The following CAPN11 variants were observed in gnomAD, a reference collection of about 807,000 sequenced individuals.
CAPN11 encodes the protein calpain 11, also known as calpain-11.
A neutral mutation model predicts 105.3 loss-of-function variants in CAPN11; 108 were observed. The observed-to-expected ratio is 1.03, with a 90% confidence interval of 0.88 to 1.20. The LOEUF (loss-of-function observed/expected upper bound fraction) is 1.20. Among genes scored for constraint, CAPN11 ranks in the 50% most tolerant of loss-of-function variants. The pLI is 0.00. For missense variants in CAPN11, 883 were observed against 924.8 expected, an observed-to-expected ratio of 0.95 and a Z score of 0.59; for synonymous variants, 329 against 344.5, an observed-to-expected ratio of 0.96 and a Z score of 0.50.
intron 21 of CAPN11, 42 bp downstream of exon 21, chr6:44,183,277 C>T (rs750314440): frequency 7.6e-7 from 1 of 1,316,808 alleles, no homozygotes; most frequent in Admixed American, 1.7e-5. Context: ...AGGCCAGGGG[C>T]CGCGGGCCCT....
chr6:44,180,303 C>A (rs1772913388), intron 14 of CAPN11, 140 bp downstream of exon 14: 2 of 905,782 alleles, frequency 2.2e-6, no homozygotes, highest in South Asian at 1.6e-5. Context: ...AAGGTGAAGT[C>A]CCAGTTAGTG....
chr6:44,161,273 C>T (rs1022259928), intron 1 of CAPN11, among the ~76,000 whole-genome samples: 5 of 151,666 alleles, frequency 3.3e-5, no homozygotes, highest in Non-Finnish European at 5.9e-5. Flanking sequence ...AACCTTGGCT[C>T]ACTGCAACCT....
intron 19 of CAPN11, 129 bp downstream of exon 19, chr6:44,181,449 T>TCACACACACACACA (rs150427721): frequency 3.5e-6 from 1 of 286,594 alleles, no homozygotes; most frequent in African/African-American, 5.0e-5. Flanking sequence ...CACACCACAC[T>TCACACACACACACA]CACACACACA....
At chr6:44,179,486 TCCCAGTG>T in intron 12 of CAPN11, 126 bp from the exon 13 acceptor site, 1 of 786,846 alleles carries the variant, frequency 1.3e-6, no homozygotes. Context: ...ACCACCAGTA[TCCCAGTG>T]CCCTTAATAC....
At chr6:44,166,956 G>GGGGGGGGGT in intron 2 of CAPN11, 127 bp downstream of exon 2, 2 of 507,924 alleles carry the variant, frequency 3.9e-6, no homozygotes, top group East Asian at 4.4e-5. Context: ...GCGGCGGGGG[G>GGGGGGGGGT]AGGGGAGGCT....
At chr6:44,181,755 T>C (rs878895741) in intron 19 of CAPN11, among the ~76,000 whole-genome samples, 12 of 2,958 alleles carry the variant, frequency 4.1e-3, no homozygotes, top group East Asian at 6.0e-3. Context: ...CACACACACA[T>C]ACACACTCAC....
Position 44,177,244 on chromosome 6 carries a change from A to G in CAPN11, c.1240A>G (p.Thr414Ala), listed in dbSNP as rs1255337723. ...ACGCTGACCCACTTCCGCCACAGGCACGTTCTGGACCAACCCCCAGTTTAA... is the reference window on the plus strand; with the variant it reads ...ACGCTGACCCACTTCCGCCACAGGCGCGTTCTGGACCAACCCCCAGTTTAA... ...SAGGCRNHPGTFWTNPQFKIS... is the reference protein window; with the variant it reads ...SAGGCRNHPGAFWTNPQFKIS... Residue 414 changes from threonine (T) to alanine (A), a missense_variant and splice_region_variant, in exon 12 of 23, where the codon ACG (threonine) becomes GCG (alanine). Physicochemically the swap from Thr to Ala is moderately conservative, Grantham distance 58. Transcript: ENST00000398776. 6 of 1,580,084 alleles carry G rather than the reference A, an allele frequency of 3.8e-6. No homozygotes were observed. The highest frequency in any genetic ancestry group is 5.2e-6 in the Non-Finnish European group (6 of 1,162,746).
intron 8 of CAPN11, 37 bp from the exon 9 acceptor site, chr6:44,176,216 C>T (rs1199058655): frequency 1.5e-6 from 2 of 1,365,308 alleles, no homozygotes; most frequent in Non-Finnish European, 2.0e-6. Flanking sequence ...CTCCCTGACC[C>T]CATAACTCTG....
In CAPN11 at chr6:44,172,792, C is replaced by T. The variant is rs955516681; in HGVS notation, c.529-148C>T. On this transcript the variant is annotated intron_variant, in intron 5 of 22. Transcript: ENST00000398776. ...GCAGAAGCTGGAGAGGAGGCGGGGCCGGGCTCAGGCTTTGGGTTGCCTTTC... is the reference window on the plus strand; with the variant it reads ...GCAGAAGCTGGAGAGGAGGCGGGGCTGGGCTCAGGCTTTGGGTTGCCTTTC... The T allele has an allele frequency of 6.8e-6, 6 of 878,242 alleles. No individual in the cohort carries two copies. The African/African-American group carries it at 1.0e-4, about 15-fold the overall frequency. 54.4% of individuals were successfully genotyped at this position (878,242 alleles called of 1,614,324 possible). A position where few individuals can be genotyped will look rare whatever the true frequency, so the allele number is the denominator to read the frequency against.
At chr6:44,182,311 A>T (rs1180584789) in intron 19 of CAPN11, among the ~76,000 whole-genome samples, 4 of 136,124 alleles carry the variant, frequency 2.9e-5, no homozygotes, top group East Asian at 2.1e-4. Flanking sequence ...ACACACACAC[A>T]CTCACATACA....
chr6:44,181,753 CAT>C (rs1219164633), intron 19 of CAPN11, among the ~76,000 whole-genome samples: 1 of 29,354 alleles, frequency 3.4e-5, no homozygotes, highest in East Asian at 3.3e-4. Flanking sequence ...CACACACACA[CAT>C]ACACACTCAC....
In CAPN11 at chr6:44,169,329, G is replaced by T; in HGVS notation, c.137G>T (p.Arg46Leu). 1 of 1,613,608 alleles carries T rather than the reference G, an allele frequency of 6.2e-7. No individual in the cohort carries two copies. Among genetic ancestry groups the T allele is most frequent in the Non-Finnish European group, 8.5e-7 (1 of 1,179,754 alleles). ...TGMVAHINNS[R>L]LKAKGVGQHD... Reference sequence around the variant, plus strand: ...ATGGTGGCTCACATAAACAACAGCCGGCTCAAGGCCAAGGGCGTGGGCCAG... The same window carrying T: ...ATGGTGGCTCACATAAACAACAGCCTGCTCAAGGCCAAGGGCGTGGGCCAG... Residue 46 changes from arginine (R) to leucine (L), a missense_variant, in exon 3 of 23, where the codon CGG becomes CTG. Arg to Leu is a moderately radical substitution (Grantham distance 102). Transcript: ENST00000398776.
chr6:44,169,221 A>G, intron 2 of CAPN11, 60 bp from the exon 3 acceptor site: 1 of 1,507,696 alleles, frequency 6.6e-7, no homozygotes, highest in Non-Finnish European at 8.9e-7. Flanking sequence ...GGAGTGAACC[A>G]CTGTGCCCAG....
rs1346280806 is a variant in CAPN11, at chr6:44,169,891, A to G, written c.340-15A>G. 5 of 1,601,974 alleles carry G rather than the reference A, an allele frequency of 3.1e-6. No homozygotes were observed. The highest frequency in any genetic ancestry group is 4.3e-6 in the Non-Finnish European group (5 of 1,171,668). On this transcript the variant is annotated splice_polypyrimidine_tract_variant and intron_variant, in intron 3 of 22. Coordinates refer to ENST00000398776, the MANE Select transcript of CAPN11 (RefSeq NM_007058.4). Reference sequence around the variant, plus strand: ...GTGTCCTGGGCCCCCTGAAACCTTTATTCCTTCACTGCAGGATATCATAAA... The same window carrying G: ...GTGTCCTGGGCCCCCTGAAACCTTTGTTCCTTCACTGCAGGATATCATAAA...
chr6:44,180,737 C>T lies in CAPN11; in HGVS notation c.1747-11C>T. The T allele has an allele frequency of 6.2e-7, 1 of 1,613,626 alleles. No homozygotes were observed. Among genetic ancestry groups the T allele is most frequent in the Non-Finnish European group, 8.5e-7 (1 of 1,179,730 alleles). ...AGGGGCCCGAGTGGGGTTCACAGTT[C>T]CCCTTCCTAGGGCAAGGAGATAGGG... On this transcript the variant is annotated splice_polypyrimidine_tract_variant and intron_variant, in intron 16 of 22. Transcript: ENST00000398776.
chr6:44,172,584 T>A (rs1216880995), intron 5 of CAPN11, among the ~76,000 whole-genome samples, 164 bp downstream of exon 5: 2 of 152,208 alleles, frequency 1.3e-5, no homozygotes, highest in Admixed American at 1.3e-4. Context: ...TCATGTAAGC[T>A]AATTTTTTAA....
chr6:44,174,515 CAA>C (rs66536720), intron 7 of CAPN11, among the ~76,000 whole-genome samples: 1,953 of 77,322 alleles, frequency 0.025, 14 homozygotes, highest in Middle Eastern at 0.05. Context: ...TCATCTCTAC[CAA>C]AAAAAAAAAA....
chr6:44,181,340 C>T lies in CAPN11; in HGVS notation c.1938+20C>T. The T allele has an allele frequency of 6.2e-7, 1 of 1,606,588 alleles. No homozygotes were observed. ...TGGATGGTAAAGGGCACTAAAGGGG[C>T]AGCCTCCAGGGGTGAGGAAAAGAGG... On this transcript the variant is annotated intron_variant, in intron 19 of 22. Coordinates refer to ENST00000398776, the MANE Select transcript of CAPN11 (RefSeq NM_007058.4).
chr6:44,172,207 G>A (rs1771131089), intron 4 of CAPN11, 95 bp from the exon 5 acceptor site: 1 of 733,952 alleles, frequency 1.4e-6, no homozygotes, highest in Non-Finnish European at 2.2e-6. Context: ...ATGGGGTACA[G>A]GGTCAAGTTC....
Sources: gnomAD v4.1 joint callset for allele counts (sites outside exome capture counted in the v4.1 genomes callset) on GRCh38, gnomAD v4.1.1 for gene constraint, MANE v1.5 for transcripts, NCBI Gene and HGNC (gene_info 2026-07-23, HGNC 2026-07-21) for gene names.